Variants in MAGI3 observed in about 807,000 individuals in gnomAD.
The protein encoded by MAGI3 is membrane-associated guanylate kinase, WW and PDZ domain-containing protein 3.
A neutral mutation model predicts 121.8 loss-of-function variants in MAGI3; 43 were observed. That is an observed-to-expected ratio of 0.35 (90% CI 0.28 to 0.46). The LOEUF (loss-of-function observed/expected upper bound fraction) is 0.46. Among genes scored for constraint, MAGI3 ranks in the 20% least tolerant of loss-of-function variants. The pLI, the probability that MAGI3 is intolerant of heterozygous loss-of-function variation, is 1.00. For missense variants in MAGI3, 1,547 were observed against 1,797.3 expected, an observed-to-expected ratio of 0.86 and a Z score of 2.52; for synonymous variants, 553 against 639.3, an observed-to-expected ratio of 0.86 and a Z score of 2.04.
At chr1:113,663,363 C>T (rs1345494195) in intron 16 of MAGI3, among the ~76,000 whole-genome samples, 1 of 151,446 alleles carries the variant, frequency 6.6e-6, no homozygotes, top group East Asian at 1.9e-4. Flanking sequence ...GAAATCACTT[C>T]CCATTCTCTC....
At position 113,646,406 on chromosome 1, in the gene MAGI3, C is replaced by G. The variant is rs1652844289; in HGVS notation, c.1999-80C>G. The G allele has an allele frequency of 4.3e-6, 5 of 1,169,244 alleles. No homozygotes were observed. In the South Asian group the frequency reaches 8.9e-5, roughly 21 times the overall value. The allele number at this position is 1,169,244 out of a possible 1,614,324, so 72.4% of individuals were successfully genotyped here. ...ATACAACTATAATCAGTTGACATAT[C>G]CATTTCAGATATCAGTTTTATGAAT... On this transcript the variant is annotated intron_variant, in intron 11 of 20. Transcript: ENST00000307546.
chr1:113,439,781 A>G (rs561362072), intron 1 of MAGI3, among the ~76,000 whole-genome samples: 1 of 152,228 alleles, frequency 6.6e-6, no homozygotes, highest in South Asian at 2.1e-4. Flanking sequence ...AGAACATACT[A>G]TCATAATTAG....
At chr1:113,473,371 C>T (rs1035738189) in intron 1 of MAGI3, among the ~76,000 whole-genome samples, 1 of 152,024 alleles carries the variant, frequency 6.6e-6, no homozygotes, top group Non-Finnish European at 1.5e-5. Context: ...TCAACTAACT[C>T]ATCATTTACA....
In MAGI3 at chr1:113,651,001, G is replaced by A. The variant is rs77010444; in HGVS notation, c.2248-13G>A. ...TACACTGTGGACCAAACTGTACTTT[G>A]TTATCTTATCAGATATATATTGGGG... On this transcript the variant is annotated splice_polypyrimidine_tract_variant and intron_variant, in intron 13 of 20. Coordinates refer to ENST00000307546, the MANE Select transcript of MAGI3 (RefSeq NM_001142782.2). 1,473 of 1,609,758 alleles carry A rather than the reference G, an allele frequency of 9.2e-4. 7 individuals carry two copies. In the African/African-American group the frequency reaches 0.018, roughly 20 times the overall value.
chr1:113,637,529 C>A (rs547435466), intron 9 of MAGI3, among the ~76,000 whole-genome samples: 42 of 152,294 alleles, frequency 2.8e-4, no homozygotes, highest in African/African-American at 9.9e-4. Context: ...GTTGATAATT[C>A]TTTTCTTTAA....
At chr1:113,456,117 ATTTTTTTTT>A (rs35038942) in intron 1 of MAGI3, among the ~76,000 whole-genome samples, 2 of 113,248 alleles carry the variant, frequency 1.8e-5, no homozygotes, top group Non-Finnish European at 3.6e-5. Flanking sequence ...CGCCCGGCTA[ATTTTTTTTT>A]TTTTTTTTTT....
At position 113,430,803 on chromosome 1, in the gene MAGI3, C is replaced by T. The variant is rs1254298069; in HGVS notation, c.316+39454C>T. Among the ~76,000 whole-genome samples, 171 of 152,266 alleles carry T rather than the reference C, an allele frequency of 1.1e-3. 1 individual carries two copies. Among genetic ancestry groups the T allele is most frequent in the Non-Finnish European group, 1.3e-4 (9 of 68,018 alleles). ...GTTGGAATAGACTATCCTAAAGTAA[C>T]TTCTACAACAGTTGTTTTAAGCTAG... On this transcript the variant is annotated intron_variant, in intron 1 of 20. Transcript: ENST00000307546.
intron 1 of MAGI3, among the ~76,000 whole-genome samples, chr1:113,445,389 G>A (rs540311840): frequency 2.6e-5 from 4 of 152,116 alleles, no homozygotes; most frequent in Admixed American, 2.6e-4. Context: ...ATCATTTGAG[G>A]CCAGGAATTC....
rs1034128074 is a variant in MAGI3, at chr1:113,551,468, C to T, written c.433+1837C>T. Among the ~76,000 whole-genome samples the T allele has an allele frequency of 2.6e-5, 4 of 152,328 alleles. No homozygotes were observed. The South Asian group carries it at 6.2e-4, about 24-fold the overall frequency. ...GATTTCTACTGACAAAGTTCAGACTCCTTAGCATCGCATAAAATATTTTTT... is the reference window on the plus strand; with the variant it reads ...GATTTCTACTGACAAAGTTCAGACTTCTTAGCATCGCATAAAATATTTTTT... On this transcript the variant is annotated intron_variant, in intron 2 of 20. Transcript: ENST00000307546.
intron 1 of MAGI3, among the ~76,000 whole-genome samples, chr1:113,454,824 T>C (rs1271669340): frequency 2.0e-5 from 3 of 152,212 alleles, no homozygotes; most frequent in Non-Finnish European, 1.5e-5. Flanking sequence ...CAACAGTGCC[T>C]GGTGTATAGT....
intron 1 of MAGI3, among the ~76,000 whole-genome samples, chr1:113,530,275 A>G (rs770229147): frequency 1.2e-4 from 18 of 152,134 alleles, no homozygotes; most frequent in Middle Eastern, 6.8e-3. Flanking sequence ...GGCTGTCTGC[A>G]AACATTTTTG....
At chr1:113,649,473 G>T (rs567608524) in intron 13 of MAGI3, 145 bp downstream of exon 13, 20 of 568,290 alleles carry the variant, frequency 3.5e-5, no homozygotes, top group African/African-American at 3.4e-4. Flanking sequence ...TATTATCATA[G>T]TCCCTCAGTT....
chr1:113,668,852 G>C (rs550624183), intron 16 of MAGI3, among the ~76,000 whole-genome samples: 2 of 152,208 alleles, frequency 1.3e-5, no homozygotes, highest in South Asian at 4.1e-4. Context: ...AAAGTGCTGG[G>C]ATTACAGGCG....
intron 9 of MAGI3, among the ~76,000 whole-genome samples, chr1:113,632,079 T>C (rs577765241): frequency 6.6e-6 from 1 of 152,370 alleles, no homozygotes; most frequent in Admixed American, 6.5e-5. Flanking sequence ...GGTTGAATTG[T>C]CATAGTATTT....
At chr1:113,442,061 T>C (rs1266063370) in intron 1 of MAGI3, among the ~76,000 whole-genome samples, 1 of 152,224 alleles carries the variant, frequency 6.6e-6, no homozygotes, top group Non-Finnish European at 1.5e-5. Context: ...AAATCAATGT[T>C]AATGCCAGAT....
intron 9 of MAGI3, among the ~76,000 whole-genome samples, chr1:113,636,534 G>A (rs1292739818): frequency 3.3e-5 from 5 of 152,014 alleles, no homozygotes; most frequent in African/African-American, 7.3e-5. Context: ...GTAGTTGAGC[G>A]GTTTTGAGTG....
chr1:113,534,398 C>G (rs1312918540), intron 1 of MAGI3, among the ~76,000 whole-genome samples: 1 of 152,168 alleles, frequency 6.6e-6, no homozygotes, highest in Non-Finnish European at 1.5e-5. Flanking sequence ...GCCTATCACT[C>G]TAGTCATATA....
chr1:113,618,545 G>T (rs779059199), intron 7 of MAGI3: 1 of 446,960 alleles, frequency 2.2e-6, no homozygotes, highest in South Asian at 1.6e-5. Flanking sequence ...CACTCTTGTC[G>T]CCCAAGCTGG....
At chr1:113,626,857 A>G (rs1260131697) in intron 9 of MAGI3, among the ~76,000 whole-genome samples, 1 of 151,950 alleles carries the variant, frequency 6.6e-6, no homozygotes, top group East Asian at 1.9e-4. Context: ...CTGTTAGTCT[A>G]AGGTTTGTTA....
Sources: allele counts gnomAD v4.1 joint callset (sites outside exome capture counted in the v4.1 genomes callset), GRCh38; gene constraint gnomAD v4.1.1; transcripts MANE v1.5; gene names NCBI Gene and HGNC (gene_info 2026-07-23, HGNC 2026-07-21).